Variants in ARID4A observed in about 807,000 individuals in gnomAD.
The protein encoded by ARID4A is AT-rich interactive domain-containing protein 4A.
A neutral mutation model predicts 148.6 loss-of-function variants in ARID4A; 39 were observed. That is an observed-to-expected ratio of 0.26 (90% CI 0.20 to 0.34). The LOEUF (loss-of-function observed/expected upper bound fraction) is 0.34, where lower values mean the gene tolerates loss of function less well. ARID4A is among the 10% of genes least tolerant of loss of function. ARID4A has a pLI of 1.00. For synonymous variants in ARID4A, 475 were observed against 481.2 expected (o/e 0.99, Z 0.17); for missense variants, 1,265 against 1,449.1 (o/e 0.87, Z 2.06).
At chr14:58,314,142 T>C (rs2032246986) in intron 5 of ARID4A, among the ~76,000 whole-genome samples, 1 of 152,228 alleles carries the variant, frequency 6.6e-6, no homozygotes, top group Non-Finnish European at 1.5e-5. Flanking sequence ...TTTTGGAAAA[T>C]ATAAGACATT....
rs572525827 is a variant in ARID4A, at chr14:58,320,730, C to T, written c.449+1925C>T. On this transcript the variant is annotated intron_variant, in intron 7 of 23. Coordinates refer to ENST00000355431, the MANE Select transcript of ARID4A (RefSeq NM_002892.4). ...TCTTGCCATTCTCCTGCCTCAGCCT[C>T]CCGAGTAGCTGGGACTACAGTCGTC... Among the ~76,000 whole-genome samples, 16 of 152,062 alleles carry T rather than the reference C, an allele frequency of 1.1e-4. No individual in the cohort carries two copies. The South Asian group carries it at 2.9e-3, about 28-fold the overall frequency.
intron 7 of ARID4A, among the ~76,000 whole-genome samples, chr14:58,320,135 A>G (rs909216281): frequency 6.6e-6 from 1 of 151,504 alleles, no homozygotes; most frequent in Non-Finnish European, 1.5e-5. Flanking sequence ...TTTAGTAGAG[A>G]CAGGGTTTCA....
At chr14:58,368,184 GGATGGA>G (rs1197268530) in intron 23 of ARID4A, among the ~76,000 whole-genome samples, 2 of 152,166 alleles carry the variant, frequency 1.3e-5, no homozygotes, top group African/African-American at 4.8e-5. Context: ...CCAAAATAAT[GGATGGA>G]GTGAAAGTTT....
intron 15 of ARID4A, among the ~76,000 whole-genome samples, chr14:58,349,148 C>T (rs2034515043): frequency 6.6e-6 from 1 of 152,124 alleles, no homozygotes; most frequent in Non-Finnish European, 1.5e-5. Context: ...ACCATAATGT[C>T]TGTAAGACAT....
At chr14:58,365,489 T>TTTTAAA in intron 20 of ARID4A, 29 bp from the exon 21 acceptor site, 1 of 985,680 alleles carries the variant, frequency 1.0e-6, no homozygotes, top group Non-Finnish European at 1.4e-6. Flanking sequence ...TTTTTTTTTT[T>TTTTAAA]CAACATTCTC....
At chr14:58,335,218 T>C (rs1278059973) in intron 11 of ARID4A, among the ~76,000 whole-genome samples, 1 of 152,160 alleles carries the variant, frequency 6.6e-6, no homozygotes, top group African/African-American at 2.4e-5. Flanking sequence ...CTACTTCCTA[T>C]CTAAAATGAT....
At chr14:58,345,457 A>T (rs1429028551) in intron 12 of ARID4A, among the ~76,000 whole-genome samples, 1 of 152,318 alleles carries the variant, frequency 6.6e-6, no homozygotes, top group East Asian at 1.9e-4. Context: ...AGCAAATTAA[A>T]CATAATAGGA....
chr14:58,322,656 AG>A (rs771206874), intron 7 of ARID4A, among the ~76,000 whole-genome samples: 3 of 152,106 alleles, frequency 2.0e-5, no homozygotes, highest in Admixed American at 6.6e-5. Context: ...AATATATTGC[AG>A]GATGTCTTAA....
intron 7 of ARID4A, among the ~76,000 whole-genome samples, chr14:58,322,468 G>C (rs1566681873): frequency 6.6e-6 from 1 of 152,006 alleles, no homozygotes; most frequent in East Asian, 1.9e-4. Flanking sequence ...GTGTCAAAAG[G>C]AAATACAGGA....
chr14:58,363,198 T>G (rs1057375005), intron 19 of ARID4A, among the ~76,000 whole-genome samples: 2 of 152,210 alleles, frequency 1.3e-5, no homozygotes, highest in African/African-American at 4.8e-5. Context: ...ATACACCTTT[T>G]CACTAAAAAA....
intron 11 of ARID4A, among the ~76,000 whole-genome samples, chr14:58,330,411 CTGGT>C (rs2033457137): frequency 6.6e-6 from 1 of 152,090 alleles, no homozygotes; most frequent in Non-Finnish European, 1.5e-5. Context: ...CAAGTGCAAA[CTGGT>C]TTTTTTGGGG....
intron 8 of ARID4A, among the ~76,000 whole-genome samples, chr14:58,326,142 G>C (rs1348570573): frequency 2.0e-5 from 3 of 152,052 alleles, no homozygotes; most frequent in African/African-American, 7.2e-5. Flanking sequence ...AGCTTCACTA[G>C]AGGAAACAAA....
At chr14:58,326,010 A>G (rs187788837) in intron 8 of ARID4A, among the ~76,000 whole-genome samples, 2 of 152,182 alleles carry the variant, frequency 1.3e-5, no homozygotes, top group African/African-American at 4.8e-5. Context: ...ATAAAATAGT[A>G]TATGTTCAAT....
rs767195989 is a variant in ARID4A at position 58,299,812 on chromosome 14, A to T, written c.-43A>T. 1 of 1,614,134 alleles carries T rather than the reference A, an allele frequency of 6.2e-7. No homozygotes were observed. The highest frequency in any genetic ancestry group is 8.5e-7 in the Non-Finnish European group (1 of 1,180,000). ...CCTCCCCATAGTTCTAGCGACTGCG[A>T]AGATAGCTCGCTGAGCTGGAACCCC... On this transcript the variant is annotated 5_prime_UTR_variant, in exon 2 of 24. Transcript: ENST00000355431.
chr14:58,319,971 C>T (rs1248466445), intron 7 of ARID4A, among the ~76,000 whole-genome samples: 1 of 124,534 alleles, frequency 8.0e-6, no homozygotes, highest in East Asian at 2.5e-4. Context: ...TTTTTTGAGA[C>T]GGAGTATCAC....
intron 23 of ARID4A, among the ~76,000 whole-genome samples, chr14:58,371,074 G>T (rs919175484): frequency 2.6e-5 from 4 of 152,066 alleles, no homozygotes; most frequent in Non-Finnish European, 5.9e-5. Flanking sequence ...AAGATCACTT[G>T]AGTCCAGGTG....
chr14:58,322,116 G>A (rs2032930518), intron 7 of ARID4A, among the ~76,000 whole-genome samples: 1 of 151,752 alleles, frequency 6.6e-6, no homozygotes, highest in Non-Finnish European at 1.5e-5. Flanking sequence ...GACTACAGGT[G>A]TGTGATACCA....
At chr14:58,360,829 C>G in intron 18 of ARID4A, 72 bp from the exon 19 acceptor site, 5 of 1,480,434 alleles carry the variant, frequency 3.4e-6, no homozygotes, top group Non-Finnish European at 3.7e-6. Flanking sequence ...ATGTAGTTTT[C>G]TTTGGATAAG....
In ARID4A at chr14:58,347,923, A is replaced by C. The variant is rs746722068; in HGVS notation, c.1404+45A>C. 3 of 1,375,522 alleles carry C rather than the reference A, an allele frequency of 2.2e-6. No homozygotes were observed. The East Asian group carries it at 7.4e-5, about 34-fold the overall frequency. 85.2% of individuals were successfully genotyped at this position (1,375,522 alleles called of 1,614,324 possible). On this transcript the variant is annotated intron_variant, in intron 15 of 23. Transcript: ENST00000355431. Reference sequence around the variant, plus strand: ...TTTATCTGGTTTAAGTATTATTTAAAATTTTTTATTATAGCCATTTTCATA... The same window carrying C: ...TTTATCTGGTTTAAGTATTATTTAACATTTTTTATTATAGCCATTTTCATA...
Sources: gnomAD v4.1 joint callset for allele counts (sites outside exome capture counted in the v4.1 genomes callset) on GRCh38, gnomAD v4.1.1 for gene constraint, MANE v1.5 for transcripts, NCBI Gene and HGNC (gene_info 2026-07-23, HGNC 2026-07-21) for gene names.